SLC25A48: variants seen among roughly 807,000 people sequenced by gnomAD.
The protein encoded by SLC25A48 is CTC-321K16.1.
SLC25A48 carries 29 observed loss-of-function variants against 32.2 expected under a neutral mutation model. That is an observed-to-expected ratio of 0.90 (90% CI 0.67 to 1.23). SLC25A48 has a LOEUF of 1.23. Among genes scored for constraint, SLC25A48 ranks in the 50% most tolerant of loss-of-function variants. SLC25A48 has a pLI of 0.00. For synonymous variants in SLC25A48, 164 were observed against 172.3 expected (o/e 0.95, Z 0.38); for missense variants, 399 against 422.7 (o/e 0.94, Z 0.49).
chr5:135,716,875 T>A (rs1754812628), intron 3 of SLC25A48, among the ~76,000 whole-genome samples: 1 of 152,228 alleles, frequency 6.6e-6, no homozygotes, highest in Admixed American at 6.5e-5. Context: ...CTTTTTTCTT[T>A]ATTGCTCCTG....
intron 2 of SLC25A48, 44 bp downstream of exon 2, chr5:135,842,503 G>A (rs1346200399): frequency 6.4e-7 from 1 of 1,552,422 alleles, no homozygotes; most frequent in Admixed American, 1.7e-5. Flanking sequence ...AAGAGGCATG[G>A]AGCTGACCTG....
intron 3 of SLC25A48, among the ~76,000 whole-genome samples, chr5:135,790,469 T>A (rs992778936): frequency 1.3e-5 from 2 of 151,858 alleles, no homozygotes; most frequent in African/African-American, 4.8e-5. Context: ...TATAATACTA[T>A]AGGGGGATGT....
At chr5:135,733,012 C>A (rs976681097) in intron 3 of SLC25A48, among the ~76,000 whole-genome samples, 3 of 152,060 alleles carry the variant, frequency 2.0e-5, no homozygotes, top group Non-Finnish European at 4.4e-5. Context: ...TGATGGAGGA[C>A]CCATGCATAG....
At chr5:135,771,246 G>A (rs1756402088) in intron 3 of SLC25A48, among the ~76,000 whole-genome samples, 1 of 151,574 alleles carries the variant, frequency 6.6e-6, no homozygotes, top group South Asian at 2.1e-4. Flanking sequence ...CCATATCACG[G>A]GAATTGTACA....
chr5:135,767,174 T>C (rs1355392671), intron 3 of SLC25A48, among the ~76,000 whole-genome samples: 1 of 117,662 alleles, frequency 8.5e-6, no homozygotes, highest in African/African-American at 3.1e-5. Flanking sequence ...TCCCAATATT[T>C]CAGGACAGGT....
chr5:135,697,720 G>T (rs1561795128), intron 3 of SLC25A48, among the ~76,000 whole-genome samples: 1 of 152,192 alleles, frequency 6.6e-6, no homozygotes, highest in Non-Finnish European at 1.5e-5. Context: ...GCTTCCTGGA[G>T]ACACAGGACG....
At chr5:135,834,445 G>A (rs1464757732), upstream of SLC25A48, among the ~76,000 whole-genome samples, 1 of 152,260 alleles carries the variant, frequency 6.6e-6, no homozygotes. Flanking sequence ...GCGCATTGCC[G>A]TCTCTGGATG....
At chr5:135,843,317 G>C (rs4296796) in intron 2 of SLC25A48, among the ~76,000 whole-genome samples, 7,701 of 152,192 alleles carry the variant, frequency 0.051, 430 homozygotes, top group African/African-American at 0.14. Flanking sequence ...TTTTATATAG[G>C]AGGGGGGTAA....
chr5:135,688,103 C>A (rs1754059786), intron 3 of SLC25A48, among the ~76,000 whole-genome samples: 1 of 152,232 alleles, frequency 6.6e-6, no homozygotes, highest in African/African-American at 2.4e-5. Flanking sequence ...ACTCTAAGTA[C>A]CTCACACAAG....
chr5:135,874,419 G>A (rs947945933), intron 6 of SLC25A48, among the ~76,000 whole-genome samples: 2 of 152,226 alleles, frequency 1.3e-5, no homozygotes, highest in Non-Finnish European at 2.9e-5. Context: ...GGTCCATGGT[G>A]GCGCCTGGGC....
At chr5:135,691,518 T>G (rs1754142811) in intron 3 of SLC25A48, among the ~76,000 whole-genome samples, 1 of 152,134 alleles carries the variant, frequency 6.6e-6, no homozygotes, top group Admixed American at 6.5e-5. Context: ...GTGCCTCTTC[T>G]TGGGCATTTA....
chr5:135,630,353 C>A (rs989969957), intron 2 of SLC25A48, among the ~76,000 whole-genome samples: 1 of 152,288 alleles, frequency 6.6e-6, no homozygotes, highest in Middle Eastern at 3.4e-3. Context: ...CTTGAACACT[C>A]AGCCCCATGA....
In SLC25A48 at chr5:135,699,904, A is replaced by G. The variant is rs147724582; in HGVS notation, c.-521+64948A>G. Among the ~76,000 whole-genome samples the G allele has an allele frequency of 4.1e-4, 63 of 152,268 alleles. No homozygotes were observed. In the East Asian group the frequency reaches 9.8e-3, roughly 24 times the overall value. The stretch of plus-strand genomic sequence containing the variant: ...AAAGCTTGTATCAAAAGCTATCCTG[A>G]CACCCTGTTTTTACCCAATGAGGAG... On this transcript the variant is annotated intron_variant, in intron 3 of 10. Coordinates refer to the SLC25A48 transcript ENST00000646290.
intron 1 of SLC25A48, among the ~76,000 whole-genome samples, chr5:135,599,002 G>A (rs2126882186): frequency 6.6e-6 from 1 of 152,198 alleles, no homozygotes; most frequent in East Asian, 1.9e-4. Flanking sequence ...AGTGAGTGAA[G>A]GAGGGGATAT....
intron 1 of SLC25A48, among the ~76,000 whole-genome samples, chr5:135,587,270 C>G (rs908895350): frequency 8.5e-5 from 13 of 152,166 alleles, no homozygotes; most frequent in Non-Finnish European, 4.4e-5. Context: ...TGAGCTCAAG[C>G]AATCTGCCCA....
intron 3 of SLC25A48, among the ~76,000 whole-genome samples, chr5:135,756,069 T>A (rs1755895056): frequency 6.6e-6 from 1 of 152,104 alleles, no homozygotes; most frequent in Admixed American, 6.6e-5. Flanking sequence ...TAATGAAATG[T>A]CGCTGTGATA....
At chr5:135,788,718 C>T (rs1159667635) in intron 3 of SLC25A48, among the ~76,000 whole-genome samples, 1 of 151,326 alleles carries the variant, frequency 6.6e-6, no homozygotes, top group Non-Finnish European at 1.5e-5. Context: ...CATTATTCCC[C>T]ATGTGGCGGG....
At chr5:135,656,441 G>A (rs998493223) in intron 3 of SLC25A48, among the ~76,000 whole-genome samples, 1 of 152,140 alleles carries the variant, frequency 6.6e-6, no homozygotes, top group African/African-American at 2.4e-5. Context: ...TGCTTTGGAG[G>A]TCTGCTAACT....
intron 1 of SLC25A48, among the ~76,000 whole-genome samples, chr5:135,603,667 G>C (rs961977522): frequency 6.6e-6 from 1 of 152,232 alleles, no homozygotes; most frequent in Non-Finnish European, 1.5e-5. Flanking sequence ...TAGTGCCCAA[G>C]GAAGGGGGTT....
Sources: allele counts gnomAD v4.1 joint callset (sites outside exome capture counted in the v4.1 genomes callset), GRCh38; gene constraint gnomAD v4.1.1; transcripts MANE v1.5; gene names NCBI Gene and HGNC (gene_info 2026-07-23, HGNC 2026-07-21).